The following DENND3 variants were observed in gnomAD, a reference collection of about 807,000 sequenced individuals.
The protein encoded by DENND3 is DENN domain containing 3, also known as DENN domain-containing protein 3.
DENND3 carries 88 observed loss-of-function variants against 135.1 expected under a neutral mutation model. The observed-to-expected ratio is 0.65, with a 90% CI of 0.55 to 0.78. The LOEUF (loss-of-function observed/expected upper bound fraction) is 0.78. Among genes scored for constraint, DENND3 ranks in the 30% least tolerant of loss-of-function variants. The pLI is 0.00. For synonymous variants in DENND3, 693 were observed against 712.3 expected (o/e 0.97, Z 0.43); for missense variants, 1,392 against 1,688.4 (o/e 0.82, Z 3.08).
intron 5 of DENND3, chr8:141,150,373 T>C (rs759021304): frequency 2.9e-5 from 36 of 1,229,314 alleles, no homozygotes; most frequent in Non-Finnish European, 3.8e-5. Context: ...AAAACGTCTT[T>C]CTTAAAATTT....
At chr8:141,171,150 G>A (rs576630773) in intron 13 of DENND3, among the ~76,000 whole-genome samples, 1 of 152,278 alleles carries the variant, frequency 6.6e-6, no homozygotes, top group South Asian at 2.1e-4. Context: ...TGAGCCTGAA[G>A]TTACCAATGT....
chr8:141,133,852 A>G (rs1816454549), intron 1 of DENND3, among the ~76,000 whole-genome samples: 3 of 152,198 alleles, frequency 2.0e-5, no homozygotes. Context: ...CGTAAGTTTA[A>G]GGGACCCCAG....
rs1823021726 is a variant in DENND3, at chr8:141,180,977, G to T, written c.2944+123G>T. 6.7e-6 allele frequency: 5 copies of T among 745,072 alleles called. No individual in the cohort carries two copies. The South Asian group carries it at 1.0e-4, about 15-fold the overall frequency. 46.2% of individuals were successfully genotyped at this position (745,072 alleles called of 1,614,324 possible). A position where few individuals can be genotyped will look rare whatever the true frequency, so the allele number is the denominator to read the frequency against. On this transcript the variant is annotated intron_variant, in intron 17 of 22. Transcript: ENST00000519811. ...GTGTCACGGGATAAGTGGGGACAAGGTGCCTGTTGCTTTCTGAGGTGAAGT... is the reference window on the plus strand; with the variant it reads ...GTGTCACGGGATAAGTGGGGACAAGTTGCCTGTTGCTTTCTGAGGTGAAGT...
intron 10 of DENND3, among the ~76,000 whole-genome samples, chr8:141,164,115 C>CA (rs2154613122): frequency 2.0e-5 from 3 of 152,294 alleles, no homozygotes; most frequent in East Asian, 1.9e-4. Flanking sequence ...TGGCCCATCT[C>CA]AGAGTCTTGC....
At chr8:141,171,640 G>A (rs1220102910) in intron 13 of DENND3, among the ~76,000 whole-genome samples, 2 of 152,262 alleles carry the variant, frequency 1.3e-5, no homozygotes, top group African/African-American at 2.4e-5. Flanking sequence ...GACAGCTGCT[G>A]TGGATCACAT....
At chr8:141,145,605 T>G (rs1817933220) in intron 5 of DENND3, among the ~76,000 whole-genome samples, 1 of 151,962 alleles carries the variant, frequency 6.6e-6, no homozygotes, top group Non-Finnish European at 1.5e-5. Context: ...GGTGAAAAGT[T>G]AAATATTTAG....
At chr8:141,188,049 G>A (rs774196498) in intron 18 of DENND3, among the ~76,000 whole-genome samples, 38 of 147,070 alleles carry the variant, frequency 2.6e-4, no homozygotes, top group Admixed American at 1.3e-3. Flanking sequence ...TCAGCCAGGC[G>A]TGGTGGCATC....
At position 141,195,372 on chromosome 8, in the gene DENND3, G is replaced by A. The variant is rs1412926832; in HGVS notation, c.*1139G>A. On this transcript the variant is annotated 3_prime_UTR_variant, in exon 23 of 23. Coordinates refer to ENST00000519811, the MANE Select transcript of DENND3 (RefSeq NM_001352890.3). The stretch of plus-strand genomic sequence containing the variant: ...CCAGCTTCTCAGGACAAAGCCCCGG[G>A]GCTGGCGCATCCTGAGGGTCTCTGG... The A allele has an allele frequency of 2.0e-5, 3 of 152,278 alleles. No homozygotes were observed. Among genetic ancestry groups the A allele is most frequent in the Non-Finnish European group, 2.9e-5 (2 of 68,074 alleles). The allele number at this position is 152,278 out of a possible 1,614,324, so 9.4% of individuals were successfully genotyped here.
chr8:141,190,228 C>A, intron 19 of DENND3, 56 bp from the exon 20 acceptor site: 1 of 1,491,104 alleles, frequency 6.7e-7, no homozygotes. Flanking sequence ...TTAAAATGTG[C>A]ACAGTGTTTT....
intron 9 of DENND3, among the ~76,000 whole-genome samples, chr8:141,161,880 A>T (rs528066430): frequency 8.2e-5 from 12 of 147,210 alleles, no homozygotes; most frequent in Non-Finnish European, 1.8e-4. Context: ...GGCTCACTGC[A>T]ACTGCCGCCT....
chr8:141,129,963 T>C (rs1815779165), intron 1 of DENND3: 2 of 152,290 alleles, frequency 1.3e-5, no homozygotes, highest in Admixed American at 6.5e-5. Context: ...CCCTGTCATG[T>C]CAGTAGATCC....
intron 1 of DENND3, among the ~76,000 whole-genome samples, chr8:141,134,280 T>C (rs1816499208): frequency 6.6e-6 from 1 of 150,820 alleles, no homozygotes; most frequent in South Asian, 2.1e-4. Flanking sequence ...ATTTCCCATA[T>C]TTTTTATTTT....
Position 141,144,282 on chromosome 8 carries a change from T to C in DENND3, c.735+23T>C, listed in dbSNP as rs2154612824. On this transcript the variant is annotated intron_variant, in intron 5 of 22. Coordinates refer to ENST00000519811, the MANE Select transcript of DENND3 (RefSeq NM_001352890.3). This position sits in a 1 kb window ranked among gnomAD's most constrained non-coding sequence, Gnocchi z 4.4. ...TTGGTAAAGTATATCTGAAATTATATTGTTTTTTCTTTGCAAATAGTAAAA... is the reference window on the plus strand; with the variant it reads ...TTGGTAAAGTATATCTGAAATTATACTGTTTTTTCTTTGCAAATAGTAAAA... 1 of 1,574,148 alleles carries C rather than the reference T, an allele frequency of 6.4e-7. No homozygotes were observed. Among genetic ancestry groups the C allele is most frequent in the East Asian group, 2.3e-5 (1 of 44,288 alleles).
chr8:141,178,154 G>A lies in DENND3; in HGVS notation c.2794G>A (p.Ala932Thr), dbSNP rs773844896. 7 of 1,613,306 alleles carry A rather than the reference G, an allele frequency of 4.3e-6. No homozygotes were observed. The highest frequency in any genetic ancestry group is 1.7e-4 in the Middle Eastern group (1 of 6,060). ...GTLQSPGAIYAASKLSYFDKM... is the reference protein window; with the variant it reads ...GTLQSPGAIYTASKLSYFDKM... ...ACTGCAGTCACCAGGCGCCATCTAC[G>A]CTGCCTCCAAGTTATCCTACTTTGA... The change falls in exon 16 of 23, where the codon GCT becomes ACT. Residue 932 changes from alanine (A) to threonine (T), a missense_variant. Transcript: ENST00000519811.
rs759551756 is a variant in DENND3, at chr8:141,138,137, T to G, written c.501T>G (p.His167Gln). The part of the protein sequence containing the change: ...GVVAQYYRPL[H>Q]DEYCFYNGKT... ...TGGCCCAGTACTACCGGCCCCTGCA[T>G]GTAGGTGGTTCCCGTTACTCCCCTC... The change falls in exon 3 of 23, where the codon CAT becomes CAG. Residue 167 changes from histidine (H) to glutamine (Q), a missense_variant and splice_region_variant. By Grantham distance (24) the His-to-Gln change is conservative (BLOSUM62 0). Transcript: ENST00000519811. The surrounding 1 kb of genome is among the most constrained non-coding windows in gnomAD (Gnocchi z 4.8). The G allele has an allele frequency of 4.4e-6, 7 of 1,599,654 alleles. No homozygotes were observed.
Position 141,168,350 on chromosome 8 carries a change from C to G in DENND3, c.2100C>G (p.Leu700=), listed in dbSNP as rs1359836555. The G allele has an allele frequency of 1.2e-6, 2 of 1,613,770 alleles. No individual in the cohort carries two copies. The highest frequency in any genetic ancestry group is 2.7e-5 in the African/African-American group (2 of 74,910). ...GAEQAPELMR[L]ISEILDKPHE... Reference sequence around the variant, plus strand: ...AGCAGGCGCCGGAGCTGATGAGGCTCATCAGCGAGATCCTGGACAAGCCGC... The same window carrying G: ...AGCAGGCGCCGGAGCTGATGAGGCTGATCAGCGAGATCCTGGACAAGCCGC... Residue 700 remains leucine (L), a synonymous_variant, in exon 13 of 23, where the codon CTC becomes CTG. Transcript: ENST00000519811. This position sits in a 1 kb window ranked among gnomAD's most constrained non-coding sequence, Gnocchi z 6.2.
intron 1 of DENND3, among the ~76,000 whole-genome samples, chr8:141,134,354 G>C (rs1404562572): frequency 6.6e-6 from 1 of 151,770 alleles, no homozygotes; most frequent in Non-Finnish European, 1.5e-5. Flanking sequence ...GAGTGCAGTG[G>C]TGTGATCTCG....
chr8:141,156,192 C>T (rs927931894), intron 8 of DENND3, among the ~76,000 whole-genome samples: 8 of 151,958 alleles, frequency 5.3e-5, no homozygotes, highest in African/African-American at 1.2e-4. Flanking sequence ...CTCTGCCTCC[C>T]ACGTTCAAGC....
rs1425616876 is a variant in DENND3 at position 141,157,695 on chromosome 8, T to TA, written c.1196+1726dup. ...CCTGGCTTTTCTGATTTCTGACTCT[T>TA]ACCTTGGTGTGGATTATTCCTTCTA... On this transcript the variant is annotated intron_variant, in intron 8 of 22. Transcript: ENST00000519811. 3 of 985,862 alleles carry TA rather than the reference T, an allele frequency of 3.0e-6. No homozygotes were observed. In the East Asian group the frequency reaches 3.4e-4, roughly 112 times the overall value. The allele number at this position is 985,862 out of a possible 1,614,324, so 61.1% of individuals were successfully genotyped here. A position where few individuals can be genotyped will look rare whatever the true frequency, so the allele number is the denominator to read the frequency against.
Sources: allele counts gnomAD v4.1 joint callset (sites outside exome capture counted in the v4.1 genomes callset), GRCh38; gene constraint gnomAD v4.1.1; non-coding constraint Gnocchi (gnomAD v3.1); transcripts MANE v1.5; gene names NCBI Gene and HGNC (gene_info 2026-07-23, HGNC 2026-07-21).